POPDC3: variants seen among roughly 807,000 people sequenced by gnomAD.
POPDC3 encodes popeye domain-containing protein 3.
Under a neutral mutation model 28.2 loss-of-function variants are expected in POPDC3, and 20 were observed. That is an observed-to-expected ratio of 0.71 (90% CI 0.50 to 1.03). POPDC3 has a LOEUF of 1.03. Among genes scored for constraint, POPDC3 ranks in the 50% least tolerant of loss-of-function variants. The pLI, the probability that POPDC3 is intolerant of heterozygous loss-of-function variation, is 0.00. For synonymous variants in POPDC3, 118 were observed against 124.1 expected (o/e 0.95, Z 0.33); for missense variants, 316 against 345.9 (o/e 0.91, Z 0.69).
At chr6:105,172,796 A>G (rs1490851920) in intron 1 of POPDC3, among the ~76,000 whole-genome samples, 1 of 149,438 alleles carries the variant, frequency 6.7e-6, no homozygotes, top group African/African-American at 2.5e-5. Flanking sequence ...ACAAAAAACC[A>G]AACACCGCAT....
chr6:105,163,564 TTAA>T (rs1213154762), intron 1 of POPDC3: 1 of 152,228 alleles, frequency 6.6e-6, no homozygotes, highest in Non-Finnish European at 1.5e-5. Context: ...AGCACACCTG[TTAA>T]TAAACTATCA....
chr6:105,162,923 T>A (rs1470219254), intron 1 of POPDC3, among the ~76,000 whole-genome samples: 1 of 152,158 alleles, frequency 6.6e-6, no homozygotes, highest in Admixed American at 6.5e-5. Flanking sequence ...TACACATTAA[T>A]TTGAGGCTTA....
At chr6:105,176,876 TA>T (rs1257657775) in intron 1 of POPDC3, 1 of 152,544 alleles carries the variant, frequency 6.6e-6, no homozygotes, top group East Asian at 1.9e-4. Flanking sequence ...CCTATTTGTG[TA>T]AAAATAGAAA....
chr6:105,161,612 G>A lies in POPDC3; in HGVS notation c.298C>T (p.Arg100Cys), dbSNP rs147119749. The A allele has an allele frequency of 2.2e-5, 36 of 1,613,982 alleles. No homozygotes were observed. The highest frequency in any genetic ancestry group is 4.5e-5 in the East Asian group (2 of 44,894). Residue 100 changes from arginine (R) to cysteine (C), a missense_variant, in exon 2 of 4, where the codon CGC becomes TGC. By Grantham distance (180) the Arg-to-Cys change is radical (BLOSUM62 -3). Transcript: ENST00000254765. ...AATTCTCGGGCAAAGGTTATGCTGC[G>A]AACTTGATATGCAATATGAACAAAT... is the stretch of plus-strand genomic sequence containing the variant. The part of the protein sequence containing the change: ...MQFVHIAYQV[R>C]SITFAREFQV...
chr6:105,161,607 G>A lies in POPDC3; in HGVS notation c.303C>T (p.Ser101=). 6.2e-7 allele frequency: 1 copy of A among 1,614,210 alleles called. No homozygotes were observed. The highest frequency in any genetic ancestry group is 1.1e-5 in the South Asian group (1 of 91,082). The part of the protein sequence containing the change: ...QFVHIAYQVR[S]ITFAREFQVL... Reference sequence around the variant, plus strand: ...CTTGGAATTCTCGGGCAAAGGTTATGCTGCGAACTTGATATGCAATATGAA... The same window carrying A: ...CTTGGAATTCTCGGGCAAAGGTTATACTGCGAACTTGATATGCAATATGAA... The change falls in exon 2 of 4, where the codon AGC becomes AGT. Residue 101 remains serine (S), a synonymous_variant. Transcript: ENST00000254765.
At chr6:105,165,749 C>G (rs1192108840) in intron 1 of POPDC3, among the ~76,000 whole-genome samples, 1 of 152,182 alleles carries the variant, frequency 6.6e-6, no homozygotes, top group Non-Finnish European at 1.5e-5. Context: ...TTAAAAACAA[C>G]AACTTGGGTA....
In POPDC3 at chr6:105,161,988, A is replaced by T. The variant is rs914012045; in HGVS notation, c.-79T>A. 7 of 1,519,678 alleles carry T rather than the reference A, an allele frequency of 4.6e-6. No homozygotes were observed. The African/African-American group carries it at 9.8e-5, about 21-fold the overall frequency. 94.1% of individuals were successfully genotyped at this position (1,519,678 alleles called of 1,614,324 possible). On this transcript the variant is annotated 5_prime_UTR_variant, in exon 2 of 4. It removes an upstream start codon present in the reference 5' UTR. Transcript: ENST00000254765. ...AGGTAACTAAGTCCTTTGGTTCTCC[A>T]TCATGAGAGTTTTGTGCAGTCTTCA...
intron 1 of POPDC3, among the ~76,000 whole-genome samples, chr6:105,172,413 T>C (rs575187054): frequency 2.0e-5 from 3 of 151,008 alleles, no homozygotes; most frequent in Non-Finnish European, 3.0e-5. Flanking sequence ...TGTGAAGAAA[T>C]AGGAACACTT....
intron 1 of POPDC3, chr6:105,178,867 A>G: frequency 3.0e-6 from 3 of 985,438 alleles, no homozygotes; most frequent in Non-Finnish European, 3.6e-6. Flanking sequence ...TGAACAGGCA[A>G]CAATAATTTT....
Position 105,161,482 on chromosome 6 carries a change from C to A in POPDC3, c.428G>T (p.Cys143Phe). Residue 143 changes from cysteine to phenylalanine, a missense_variant, in exon 2 of 4, where the codon TGT becomes TTT. Coordinates refer to ENST00000254765, the MANE Select transcript of POPDC3 (RefSeq NM_022361.5). ...SEVVTLEKEH[C>F]YAMQGKTSID... ...GGAAGTTTTCCCCTGCATGGCATAA[C>A]AGTGTTCCTTTTCCAAAGTAACCAC... 6.2e-7 allele frequency: 1 copy of A among 1,614,144 alleles called. No homozygotes were observed. The highest frequency in any genetic ancestry group is 1.3e-5 in the African/African-American group (1 of 75,036).
intron 1 of POPDC3, among the ~76,000 whole-genome samples, chr6:105,164,404 C>T (rs145550382): frequency 8.5e-4 from 130 of 152,304 alleles, no homozygotes; most frequent in African/African-American, 2.9e-3. Flanking sequence ...CTTTACTAAT[C>T]TACTTCGTTT....
intron 2 of POPDC3, among the ~76,000 whole-genome samples, chr6:105,160,328 C>G (rs1774294110): frequency 6.6e-6 from 1 of 152,192 alleles, no homozygotes; most frequent in Admixed American, 6.5e-5. Flanking sequence ...TCTTGTGCCT[C>G]AGCCTCCTGA....
chr6:105,166,161 T>C (rs1774451089), intron 1 of POPDC3, among the ~76,000 whole-genome samples: 1 of 152,142 alleles, frequency 6.6e-6, no homozygotes, highest in Admixed American at 6.5e-5. Flanking sequence ...GGTTTCCTCA[T>C]TGGTAAAATG....
At chr6:105,161,111 C>T (rs770818058) in intron 2 of POPDC3, among the ~76,000 whole-genome samples, 1 of 152,212 alleles carries the variant, frequency 6.6e-6, no homozygotes, top group Non-Finnish European at 1.5e-5. Flanking sequence ...TCTATTAATT[C>T]AAGCTGACAT....
In POPDC3 at chr6:105,158,534, G is replaced by A; in HGVS notation, c.812C>T (p.Pro271Leu). 6.2e-7 allele frequency: 1 copy of A among 1,613,952 alleles called. No homozygotes were observed. The highest frequency in any genetic ancestry group is 8.5e-7 in the Non-Finnish European group (1 of 1,179,934). The stretch of plus-strand genomic sequence containing the variant: ...TGTCAGGGGTGATCTGCGTATTTCT[G>A]GAGTTGACATTTGATAGAAGTTGGG... ...RLPNFYQMSTPEIRRSPLTQH... is the reference protein window; with the variant it reads ...RLPNFYQMSTLEIRRSPLTQH... The change falls in exon 4 of 4, where the codon CCA becomes CTA. Residue 271 changes from proline (P) to leucine (L), a missense_variant. By Grantham distance (98) the Pro-to-Leu change is moderately conservative. Coordinates refer to ENST00000254765, the MANE Select transcript of POPDC3 (RefSeq NM_022361.5).
At chr6:105,179,178 A>G in intron 1 of POPDC3, 1 of 985,448 alleles carries the variant, frequency 1.0e-6, no homozygotes, top group African/African-American at 1.7e-5. Flanking sequence ...CATGGTGATA[A>G]GACAATTTAG....
At chr6:105,167,112 T>G (rs1774471956) in intron 1 of POPDC3, among the ~76,000 whole-genome samples, 1 of 145,950 alleles carries the variant, frequency 6.9e-6, no homozygotes, top group Admixed American at 6.8e-5. Flanking sequence ...GATGTTGAAT[T>G]AAAAAAAAAA....
chr6:105,169,068 A>G (rs987728958), intron 1 of POPDC3: 1 of 152,214 alleles, frequency 6.6e-6, no homozygotes, highest in Admixed American at 6.5e-5. Flanking sequence ...ACAAAAACTG[A>G]TAACAAATAT....
intron 2 of POPDC3, 65 bp downstream of exon 2, chr6:105,161,360 A>G (rs1435806805): frequency 3.2e-6 from 5 of 1,539,434 alleles, no homozygotes; most frequent in Non-Finnish European, 4.4e-6. Flanking sequence ...ATGGAAAAAT[A>G]TAGTGGAAAG....
Sources: allele counts gnomAD v4.1 joint callset (sites outside exome capture counted in the v4.1 genomes callset), GRCh38; gene constraint gnomAD v4.1.1; transcripts MANE v1.5; gene names NCBI Gene and HGNC (gene_info 2026-07-23, HGNC 2026-07-21).